ABHD12B: variants seen among roughly 807,000 people sequenced by gnomAD.
ABHD12B encodes the protein abhydrolase domain containing 12B.
Under a neutral mutation model 50.4 loss-of-function variants are expected in ABHD12B, and 42 were observed. That is an observed-to-expected ratio of 0.83 (90% CI 0.65 to 1.08). The LOEUF (loss-of-function observed/expected upper bound fraction) is 1.08, where lower values mean the gene tolerates loss of function less well. ABHD12B is among the 50% of genes least tolerant of loss of function. ABHD12B has a pLI of 0.00. For missense variants in ABHD12B, 479 were observed against 447.7 expected (o/e 1.07, Z -0.63); for synonymous variants, 167 against 160.3 (o/e 1.04, Z -0.32).
rs541660945 is a variant in ABHD12B, at chr14:50,882,601, C to T, written c.486+975C>T. ...TTCACCGTGTTAGCCAGGATGGTCT[C>T]GATCTCCTGACCTCGTGATCCGCCT... On this transcript the variant is annotated intron_variant, in intron 5 of 12. Coordinates refer to ENST00000337334, the MANE Select transcript of ABHD12B (RefSeq NM_001206673.2). Among the ~76,000 whole-genome samples, 372 of 151,706 alleles carry T rather than the reference C, an allele frequency of 2.5e-3. 2 individuals are homozygous for T. The highest frequency in any genetic ancestry group is 8.4e-3 in the African/African-American group (347 of 41,362).
chr14:50,879,294 T>A (rs546835738), intron 3 of ABHD12B, among the ~76,000 whole-genome samples: 60 of 152,352 alleles, frequency 3.9e-4, no homozygotes, highest in Non-Finnish European at 5.4e-4. Flanking sequence ...TGTGCTGTCA[T>A]GGCCATCTGT....
intron 4 of ABHD12B, among the ~76,000 whole-genome samples, chr14:50,880,807 G>T (rs2049932162): frequency 6.6e-6 from 1 of 152,156 alleles, no homozygotes. Context: ...TCCAAAAGTT[G>T]GATGTTGATT....
intron 1 of ABHD12B, among the ~76,000 whole-genome samples, chr14:50,873,358 C>T (rs2142711556): frequency 6.6e-6 from 1 of 152,206 alleles, no homozygotes; most frequent in South Asian, 2.1e-4. Context: ...CTACAGGCAC[C>T]TGCCACCACA....
intron 9 of ABHD12B, among the ~76,000 whole-genome samples, chr14:50,889,631 C>T (rs937040774): frequency 1.3e-5 from 2 of 152,132 alleles, no homozygotes. Flanking sequence ...AGTGAGACTT[C>T]GTCTCAAAGA....
intron 9 of ABHD12B, chr14:50,892,480 G>C (rs2142755444): frequency 1.0e-6 from 1 of 985,450 alleles, no homozygotes; most frequent in Admixed American, 6.1e-5. Flanking sequence ...GGCAGTGGAG[G>C]AGGGGCGGGA....
intron 9 of ABHD12B, chr14:50,892,374 G>A: frequency 2.0e-6 from 2 of 981,902 alleles, no homozygotes; most frequent in Non-Finnish European, 2.4e-6. Context: ...GCAGAACAAG[G>A]ACGTGACCTC....
chr14:50,875,152 A>G (rs1317836393), intron 1 of ABHD12B, among the ~76,000 whole-genome samples: 3 of 152,208 alleles, frequency 2.0e-5, no homozygotes, highest in Non-Finnish European at 4.4e-5. Flanking sequence ...ATTCAAGGCC[A>G]GCTGAGGCCC....
intron 9 of ABHD12B, among the ~76,000 whole-genome samples, chr14:50,894,587 G>A (rs2050168431): frequency 6.6e-6 from 1 of 152,092 alleles, no homozygotes; most frequent in Non-Finnish European, 1.5e-5. Context: ...CAAACCGACA[G>A]TAGTTCCAAA....
At chr14:50,902,699 A>G (rs1174211769) in intron 10 of ABHD12B, among the ~76,000 whole-genome samples, 1 of 152,232 alleles carries the variant, frequency 6.6e-6, no homozygotes, top group African/African-American at 2.4e-5. Context: ...ATGTCAACAC[A>G]CTTGAGAAAA....
intron 9 of ABHD12B, among the ~76,000 whole-genome samples, chr14:50,895,325 A>G (rs563699688): frequency 4.6e-5 from 7 of 151,636 alleles, no homozygotes; most frequent in African/African-American, 1.5e-4. Flanking sequence ...AAAAGTTGCA[A>G]TTCCTTGCCT....
chr14:50,882,372 G>GTTTTTTT (rs1486684470), intron 5 of ABHD12B, among the ~76,000 whole-genome samples: 1 of 41,620 alleles, frequency 2.4e-5, no homozygotes, highest in African/African-American at 8.8e-5. Context: ...CAGAATGTCT[G>GTTTTTTT]CTTTTTTTTT....
chr14:50,894,727 C>T (rs1290014490), intron 9 of ABHD12B, among the ~76,000 whole-genome samples: 2 of 151,338 alleles, frequency 1.3e-5, no homozygotes, highest in African/African-American at 2.5e-5. Flanking sequence ...TTCCTAGTCT[C>T]TGTGCCCAGT....
At chr14:50,901,370 A>G (rs914750286) in intron 9 of ABHD12B, among the ~76,000 whole-genome samples, 1 of 152,244 alleles carries the variant, frequency 6.6e-6, no homozygotes, top group African/African-American at 2.4e-5. Context: ...AGGCATTGGC[A>G]TATTAAATCA....
chr14:50,880,533 C>A lies in ABHD12B; in HGVS notation c.417C>A (p.Asn139Lys). 6.2e-7 allele frequency: 1 copy of A among 1,607,128 alleles called. No individual in the cohort carries two copies. The highest frequency in any genetic ancestry group is 8.5e-7 in the Non-Finnish European group (1 of 1,176,336). The change falls in exon 4 of 13, where the codon AAC becomes AAA. Residue 139 changes from asparagine (N) to lysine (K), a missense_variant. Physicochemically the swap from Asn to Lys is moderately conservative, Grantham distance 94. Transcript: ENST00000337334. Reference protein sequence around the residue: ...CWYEAALRDGNPIIVYLHGSA... With the variant: ...CWYEAALRDGKPIIVYLHGSA... ...ATGAAGCAGCCCTTCGTGATGGGAACCCAATTATTGTTTATCTTCATGGCA... is the reference window on the plus strand; with the variant it reads ...ATGAAGCAGCCCTTCGTGATGGGAAACCAATTATTGTTTATCTTCATGGCA...
chr14:50,903,265 A>G, intron 10 of ABHD12B, 124 bp from the exon 11 acceptor site: 3 of 673,806 alleles, frequency 4.5e-6, no homozygotes, highest in Non-Finnish European at 7.4e-6. Context: ...ATTCCTTGGA[A>G]GGAAGGAAAG....
At chr14:50,898,629 G>T (rs945109011) in intron 9 of ABHD12B, among the ~76,000 whole-genome samples, 2 of 152,182 alleles carry the variant, frequency 1.3e-5, no homozygotes, top group African/African-American at 2.4e-5. Context: ...ATTGACCGGG[G>T]CTTGCTTTCT....
intron 1 of ABHD12B, among the ~76,000 whole-genome samples, chr14:50,876,687 T>C (rs1335730817): frequency 6.6e-6 from 1 of 152,220 alleles, no homozygotes; most frequent in Non-Finnish European, 1.5e-5. Context: ...GCTCTGCCAT[T>C]CATTGACTTG....
chr14:50,886,939 G>A (rs968389501), intron 8 of ABHD12B, among the ~76,000 whole-genome samples: 3 of 152,074 alleles, frequency 2.0e-5, no homozygotes, highest in Non-Finnish European at 4.4e-5. Flanking sequence ...CTCCTTGGCC[G>A]ATGTGGTGGC....
intron 1 of ABHD12B, among the ~76,000 whole-genome samples, chr14:50,873,914 T>C (rs2049822478): frequency 6.6e-6 from 1 of 152,176 alleles, no homozygotes; most frequent in Admixed American, 6.5e-5. Flanking sequence ...GTGAAAAAAG[T>C]CTCAAGAGAC....
Sources: gnomAD v4.1 joint callset for allele counts (sites outside exome capture counted in the v4.1 genomes callset) on GRCh38, gnomAD v4.1.1 for gene constraint, MANE v1.5 for transcripts, NCBI Gene and HGNC (gene_info 2026-07-23, HGNC 2026-07-21) for gene names.